TNRC18: variants seen among roughly 807,000 people sequenced by gnomAD.
TNRC18 encodes trinucleotide repeat-containing gene 18 protein.
A neutral mutation model predicts 226.7 loss-of-function variants in TNRC18; 69 were observed. The observed-to-expected ratio is 0.30, with a 90% CI of 0.25 to 0.37. TNRC18 has a LOEUF of 0.37. Ranked by LOEUF, TNRC18 falls within the 10% of genes least tolerant of loss-of-function variation. The pLI is 1.00. For missense variants in TNRC18, 4,754 were observed against 4,256.6 expected (o/e 1.12, Z -3.25); for synonymous variants, 2,449 against 1,927.6 (o/e 1.27, Z -7.09).
chr7:5,330,453 C>T (rs1789408881), intron 19 of TNRC18, among the ~76,000 whole-genome samples: 1 of 151,424 alleles, frequency 6.6e-6, no homozygotes. Context: ...GCTGTGTTGC[C>T]CAGGCCAGTC....
In TNRC18 at chr7:5,388,182, T is replaced by C. The variant is rs1562596474; in HGVS notation, c.1642A>G (p.Lys548Glu). The C allele has an allele frequency of 1.9e-6, 3 of 1,586,000 alleles. No homozygotes were observed. Among genetic ancestry groups the C allele is most frequent in the Non-Finnish European group, 2.6e-6 (3 of 1,167,958 alleles). The part of the protein sequence containing the change: ...EAAVVAASSS[K>E]KAYLDPGAVL... ...GCCCCAGGGTCCAGGTAGGCCTTCT[T>C]GGAGGAGGAGGCAGCGACCACGGCG... Residue 548 changes from lysine to glutamate, a missense_variant, in exon 5 of 30, where the codon AAG becomes GAG. Transcript: ENST00000430969.
intron 10 of TNRC18, among the ~76,000 whole-genome samples, chr7:5,372,909 A>G (rs1794301301): frequency 1.3e-5 from 2 of 152,300 alleles, no homozygotes; most frequent in African/African-American, 4.8e-5. Flanking sequence ...CTGTAATCCC[A>G]GCACTCTGGG....
In TNRC18 at chr7:5,370,699, G is replaced by A; in HGVS notation, c.3895C>T (p.Pro1299Ser). The A allele has an allele frequency of 1.9e-6, 3 of 1,610,648 alleles. No individual in the cohort carries two copies. The highest frequency in any genetic ancestry group is 2.2e-5 in the East Asian group (1 of 44,772). ...PTLEMSDCDV[P>S]AGEGQCPSLE... ...CTCGGGCACTGTCCCTCCCCGGCGG[G>A]CACGTCACAGTCTGACATTTCTAGG... is the stretch of plus-strand genomic sequence containing the variant. The change falls in exon 11 of 30, where the codon CCC becomes TCC. Residue 1299 changes from proline to serine, a missense_variant. By Grantham distance (74) the Pro-to-Ser change is moderately conservative. Coordinates refer to ENST00000430969, the MANE Select transcript of TNRC18 (RefSeq NM_001080495.3).
intron 5 of TNRC18, among the ~76,000 whole-genome samples, chr7:5,385,473 C>A (rs1315782896): frequency 1.6e-5 from 2 of 126,006 alleles, no homozygotes; most frequent in Non-Finnish European, 3.2e-5. Flanking sequence ...CCGGCCTGGG[C>A]GACAGAGCGA....
chr7:5,383,579 C>T (rs1779546849), intron 5 of TNRC18, among the ~76,000 whole-genome samples: 1 of 152,192 alleles, frequency 6.6e-6, no homozygotes, highest in African/African-American at 2.4e-5. Flanking sequence ...AGAGGGCTCG[C>T]TCCAAAAAGC....
In TNRC18 at chr7:5,312,802, C is replaced by T. The variant is rs778454372; in HGVS notation, c.8089G>A (p.Ala2697Thr). Residue 2697 changes from alanine (A) to threonine (T), a missense_variant, in exon 27 of 30, where the codon GCG becomes ACG. By Grantham distance (58) the Ala-to-Thr change is moderately conservative (BLOSUM62 0). Coordinates refer to ENST00000430969, the MANE Select transcript of TNRC18 (RefSeq NM_001080495.3). This position sits in a 1 kb window ranked among gnomAD's most constrained non-coding sequence, Gnocchi z 6.3. ...TTGGTGGCCTTGGTGGGGAGCGCCG[C>T]CTGCGCGGAAGGGCCAGCCGTGGGG... Reference protein sequence around the residue: ...PAPTAGPSAQAALPTKATKQA... With the variant: ...PAPTAGPSAQTALPTKATKQA... 3 of 1,535,188 alleles carry T rather than the reference C, an allele frequency of 2.0e-6. No homozygotes were observed. Among genetic ancestry groups the T allele is most frequent in the Non-Finnish European group, 2.6e-6 (3 of 1,145,194 alleles).
At chr7:5,319,303 G>C (rs1189561558) in intron 24 of TNRC18, among the ~76,000 whole-genome samples, 1 of 152,202 alleles carries the variant, frequency 6.6e-6, no homozygotes, top group Non-Finnish European at 1.5e-5. Flanking sequence ...ATGGATGGTA[G>C]GCCAAGCAGT....
At chr7:5,340,487 A>G (rs1790576382) in intron 18 of TNRC18, among the ~76,000 whole-genome samples, 1 of 152,220 alleles carries the variant, frequency 6.6e-6, no homozygotes, top group Non-Finnish European at 1.5e-5. Flanking sequence ...CTGTCATCCC[A>G]GCACTTTGGG....
At chr7:5,334,214 G>C (rs980394178) in intron 18 of TNRC18, among the ~76,000 whole-genome samples, 1 of 152,232 alleles carries the variant, frequency 6.6e-6, no homozygotes. Context: ...TGCCCCGGTA[G>C]ATGAAGCCAC....
chr7:5,395,996 CA>C (rs1178969904), intron 2 of TNRC18, among the ~76,000 whole-genome samples: 1,554 of 107,674 alleles, frequency 0.014, 24 homozygotes, highest in African/African-American at 0.045. Context: ...GACTCCGTCT[CA>C]AAAAAAAAAA....
intron 11 of TNRC18, among the ~76,000 whole-genome samples, chr7:5,364,522 G>A (rs1562554887): frequency 7.0e-6 from 1 of 142,406 alleles, no homozygotes; most frequent in Non-Finnish European, 1.5e-5. Flanking sequence ...CACGATCTCA[G>A]GCTGGGCACG....
intron 4 of TNRC18, chr7:5,390,114 A>G (rs1037963511): frequency 9.8e-5 from 40 of 409,018 alleles, no homozygotes; most frequent in Admixed American, 9.2e-4. Flanking sequence ...CTGTAATCCC[A>G]GCACTTTGGA....
chr7:5,355,475 ATAG>A (rs1454214119), intron 16 of TNRC18, among the ~76,000 whole-genome samples: 1 of 152,224 alleles, frequency 6.6e-6, no homozygotes, highest in African/African-American at 2.4e-5. Context: ...AAAAATAAAA[ATAG>A]TAGTAGTGTG....
intron 21 of TNRC18, among the ~76,000 whole-genome samples, chr7:5,321,788 C>T (rs1297176374): frequency 6.6e-6 from 1 of 151,832 alleles, no homozygotes; most frequent in African/African-American, 2.4e-5. Flanking sequence ...TCTCCTGCCT[C>T]AGCCTCCCAA....
At chr7:5,416,801 G>C (rs777009158) in intron 2 of TNRC18, among the ~76,000 whole-genome samples, 1 of 151,862 alleles carries the variant, frequency 6.6e-6, no homozygotes. Context: ...AGACCAGCTG[G>C]ACAACATAGC....
intron 2 of TNRC18, among the ~76,000 whole-genome samples, chr7:5,402,793 G>C (rs531718450): frequency 9.6e-4 from 146 of 152,140 alleles, no homozygotes; most frequent in Non-Finnish European, 1.6e-3. Flanking sequence ...GACAGAAGTT[G>C]CAGTGAGGCG....
chr7:5,375,325 C>CAA (rs768422173), intron 9 of TNRC18, among the ~76,000 whole-genome samples: 1 of 151,736 alleles, frequency 6.6e-6, no homozygotes, highest in South Asian at 2.1e-4. Flanking sequence ...ACAACAAAAA[C>CAA]AAACAAACAA....
intron 22 of TNRC18, 149 bp downstream of exon 22, chr7:5,320,924 C>T (rs1012737680): frequency 1.2e-5 from 8 of 657,696 alleles, no homozygotes; most frequent in South Asian, 1.9e-5. Context: ...AGGGCCTCCC[C>T]GTCAGCTCTG....
chr7:5,314,164 G>A (rs1787605416), intron 26 of TNRC18, among the ~76,000 whole-genome samples: 1 of 151,916 alleles, frequency 6.6e-6, no homozygotes, highest in Non-Finnish European at 1.5e-5. Flanking sequence ...TAGAGATACA[G>A]TTTTGCTCCG....
Sources: gnomAD v4.1 joint callset for allele counts (sites outside exome capture counted in the v4.1 genomes callset) on GRCh38, gnomAD v4.1.1 for gene constraint, Gnocchi (gnomAD v3.1) non-coding constraint, MANE v1.5 for transcripts, NCBI Gene and HGNC (gene_info 2026-07-23, HGNC 2026-07-21) for gene names.